Variants in TMEM67 observed in about 807,000 individuals in gnomAD.
TMEM67 encodes the protein meckelin.
Under a neutral mutation model 136.6 loss-of-function variants are expected in TMEM67, and 124 were observed. The observed-to-expected ratio is 0.91, with a 90% CI of 0.78 to 1.05. The LOEUF (loss-of-function observed/expected upper bound fraction) is 1.05, where lower values mean the gene tolerates loss of function less well. Ranked by LOEUF, TMEM67 falls within the 50% of genes least tolerant of loss-of-function variation. TMEM67 has a pLI of 0.00. For missense variants in TMEM67, 1,107 were observed against 1,178.4 expected (o/e 0.94, Z 0.89); for synonymous variants, 364 against 390.5 (o/e 0.93, Z 0.80).
chr8:93,782,610 G>A (rs1232220571), intron 11 of TMEM67, 150 bp downstream of exon 11: 4 of 544,426 alleles, frequency 7.3e-6, no homozygotes, highest in Admixed American at 3.9e-5. Context: ...TTTTGCTCTT[G>A]TTGCCCAGGC....
At chr8:93,804,949 T>A (rs532963531) in intron 23 of TMEM67, 71 bp downstream of exon 23, 577 of 853,904 alleles carry the variant, frequency 6.8e-4, no homozygotes, top group African/African-American at 5.8e-3. Flanking sequence ...GGATTTGTTT[T>A]AAAAAAAAAA....
At chr8:93,787,279 A>G (rs1040434177) in intron 13 of TMEM67, among the ~76,000 whole-genome samples, 1 of 150,876 alleles carries the variant, frequency 6.6e-6, no homozygotes, top group Non-Finnish European at 1.5e-5. Context: ...AAATTTATTT[A>G]TTTGTTTATC....
intron 4 of TMEM67, 44 bp downstream of exon 4, chr8:93,763,985 A>G (rs1250017744): frequency 3.3e-6 from 4 of 1,196,092 alleles, no homozygotes; most frequent in Non-Finnish European, 5.0e-6. Flanking sequence ...ATCATCTTAT[A>G]TTAGTGTATA....
At chr8:93,795,693 C>A (rs1456372430) in intron 17 of TMEM67, among the ~76,000 whole-genome samples, 186 bp downstream of exon 17, 1 of 152,034 alleles carries the variant, frequency 6.6e-6, no homozygotes, top group Non-Finnish European at 1.5e-5. Flanking sequence ...TTTATGCTTT[C>A]TTTGGTTTAT....
chr8:93,780,949 T>C lies in TMEM67; in HGVS notation c.945T>C (p.Leu315=). ...LAPQVLSSTS[L]PTNFSFKGEN... ...CTCAAGTGCTCAGTTCTACCTCTCTTCCTACAAATTTCAGTTTTAAAGGAG... is the reference window on the plus strand; with the variant it reads ...CTCAAGTGCTCAGTTCTACCTCTCTCCCTACAAATTTCAGTTTTAAAGGAG... Residue 315 remains leucine (L), a synonymous_variant, in exon 9 of 28, where the codon CTT becomes CTC. Coordinates refer to ENST00000453321, the MANE Select transcript of TMEM67 (RefSeq NM_153704.6). The C allele has an allele frequency of 6.2e-7, 1 of 1,611,800 alleles. No homozygotes were observed. Among genetic ancestry groups the C allele is most frequent in the South Asian group, 1.1e-5 (1 of 90,982 alleles).
At chr8:93,757,497 G>A (rs1221606980) in intron 2 of TMEM67, among the ~76,000 whole-genome samples, 9 of 151,922 alleles carry the variant, frequency 5.9e-5, no homozygotes, top group African/African-American at 2.2e-4. Flanking sequence ...TTAGCTGGAC[G>A]TGGTGGCACG....
At chr8:93,805,107 G>C (rs1815080204) in intron 23 of TMEM67, among the ~76,000 whole-genome samples, 1 of 152,040 alleles carries the variant, frequency 6.6e-6, no homozygotes, top group Non-Finnish European at 1.5e-5. Context: ...TGAGCAGCTG[G>C]GACTGCAGGC....
Position 93,780,742 on chromosome 8 carries a change from A to G in TMEM67, c.864A>G (p.Ser288=). The change falls in exon 8 of 28, where the codon TCA becomes TCG. Residue 288 remains serine (S), a synonymous_variant. Coordinates refer to ENST00000453321, the MANE Select transcript of TMEM67 (RefSeq NM_153704.6). ...GACTGAGCACTGTTCATTCTATTTC[A>G]TTTTGGTAAGGATATTTTGATTGAT... is the stretch of plus-strand genomic sequence containing the variant. ...TAGLSTVHSI[S]FWRQNLPWLF... is the part of the protein sequence containing the mutation. The G allele has an allele frequency of 6.2e-7, 1 of 1,613,900 alleles. No individual in the cohort carries two copies. The highest frequency in any genetic ancestry group is 8.5e-7 in the Non-Finnish European group (1 of 1,179,990).
chr8:93,804,105 T>C (rs1814992875), intron 22 of TMEM67, among the ~76,000 whole-genome samples: 1 of 151,764 alleles, frequency 6.6e-6, no homozygotes, highest in South Asian at 2.1e-4. Flanking sequence ...GGTCTTGAAC[T>C]CCTGACCTCA....
intron 11 of TMEM67, 115 bp downstream of exon 11, chr8:93,782,575 T>TC (rs1034244871): frequency 1.4e-6 from 1 of 713,878 alleles, no homozygotes; most frequent in African/African-American, 1.8e-5. Context: ...TTCTTGGTTT[T>TC]TTTTTTTTTT....
intron 22 of TMEM67, among the ~76,000 whole-genome samples, chr8:93,804,244 G>C (rs1019317786): frequency 6.7e-6 from 1 of 148,276 alleles, no homozygotes; most frequent in Non-Finnish European, 1.5e-5. Context: ...ATTCATTCCA[G>C]TACCCCTGAA....
At chr8:93,784,249 G>A (rs567313496) in intron 11 of TMEM67, among the ~76,000 whole-genome samples, 11 of 152,184 alleles carry the variant, frequency 7.2e-5, no homozygotes, top group Middle Eastern at 3.4e-3. Context: ...ACATAGGCCA[G>A]AAAGATCAAC....
chr8:93,812,967 C>G (rs1223171246), intron 26 of TMEM67, among the ~76,000 whole-genome samples: 1 of 151,878 alleles, frequency 6.6e-6, no homozygotes, highest in East Asian at 1.9e-4. Flanking sequence ...AACCCCTGAC[C>G]TCATGTGATC....
rs1814968673 is a variant in TMEM67 at position 93,803,673 on chromosome 8, T to C, written c.2311T>C (p.Ser771Pro). The C allele has an allele frequency of 6.4e-7, 1 of 1,569,642 alleles. No homozygotes were observed. The highest frequency in any genetic ancestry group is 2.2e-5 in the East Asian group (1 of 44,576). ...AATTCGACAGTTCGTTGATTTATGC[T>C]CTATGAGTAATGTAAGTACTTTCTG... ...DKIRQFVDLC[S>P]MSNISVFLLS... Residue 771 changes from serine to proline, a missense_variant, in exon 22 of 28, where the codon TCT (serine) becomes CCT (proline). Around this residue, in one of 3 missense-constraint regions of TMEM67, gnomAD observed 925 missense variants for 1,002.4 expected, o/e 0.92. Coordinates refer to ENST00000453321, the MANE Select transcript of TMEM67 (RefSeq NM_153704.6).
At chr8:93,812,321 G>A (rs892184534) in intron 26 of TMEM67, among the ~76,000 whole-genome samples, 6 of 151,948 alleles carry the variant, frequency 3.9e-5, no homozygotes, top group African/African-American at 4.8e-5. Flanking sequence ...TTAGACATTA[G>A]GATTATAGCT....
Position 93,797,380 on chromosome 8 carries a change from A to G in TMEM67, c.2010A>G (p.Thr670=), listed in dbSNP as rs137989705. 1.8e-4 allele frequency: 293 copies of G among 1,614,138 alleles called. 2 individuals are homozygous for G. The African/African-American group carries it at 3.6e-3, about 20-fold the overall frequency. Residue 670 remains threonine (T), a synonymous_variant, in exon 20 of 28, where the codon ACA becomes ACG. Coordinates refer to ENST00000453321, the MANE Select transcript of TMEM67 (RefSeq NM_153704.6). ...CTGTTCCTGTAAGCATATGGAGAACATATTTTGTAGCAAATGAATGGAATG... is the reference window on the plus strand; with the variant it reads ...CTGTTCCTGTAAGCATATGGAGAACGTATTTTGTAGCAAATGAATGGAATG... ...SATVPVSIWR[T]YFVANEWNEI...
intron 7 of TMEM67, among the ~76,000 whole-genome samples, chr8:93,778,025 A>G (rs1266956774): frequency 1.3e-5 from 2 of 152,144 alleles, no homozygotes; most frequent in Non-Finnish European, 2.9e-5. Flanking sequence ...TGCTTTATGA[A>G]TCTGGGTGCT....
intron 27 of TMEM67, 54 bp from the exon 28 acceptor site, chr8:93,816,318 C>A: frequency 2.5e-6 from 2 of 815,026 alleles, no homozygotes; most frequent in Middle Eastern, 2.9e-4. Flanking sequence ...AATCGACGTG[C>A]ATATTTAATT....
the TMEM67 span, among the ~76,000 whole-genome samples, chr8:93,829,384 G>C: frequency 0.012 from 1,532 of 131,832 alleles, 12 homozygotes; most frequent in African/African-American, 0.03. Flanking sequence ...CTCTCTCTCT[G>C]TGTGTGTGTG....
Sources: allele counts gnomAD v4.1 joint callset (sites outside exome capture counted in the v4.1 genomes callset), GRCh38; gene constraint gnomAD v4.1.1; regional missense constraint gnomAD v4.1.1; transcripts MANE v1.5; gene names NCBI Gene and HGNC (gene_info 2026-07-23, HGNC 2026-07-21).